Variants in CDCA7L observed in about 807,000 individuals in gnomAD.
CDCA7L encodes the protein cell division cycle-associated 7-like protein.
CDCA7L carries 44 observed loss-of-function variants against 57.4 expected under a neutral mutation model. That is an observed-to-expected ratio of 0.77 (90% confidence interval 0.60 to 0.98). CDCA7L has a LOEUF of 0.98. CDCA7L is among the 50% of genes least tolerant of loss of function. The pLI is 0.00. For missense variants in CDCA7L, 644 were observed against 580.6 expected, an observed-to-expected ratio of 1.11 and a Z score of -1.12; for synonymous variants, 236 against 202.8, an observed-to-expected ratio of 1.16 and a Z score of -1.39.
Position 21,901,329 on chromosome 7 carries a change from T to TTCTGGACCTTCAGGCTGAA in CDCA7L, c.*992_*993insTTCAGCCTGAAGGTCCAGA. On this transcript the variant is annotated 3_prime_UTR_variant, in exon 10 of 10. Transcript: ENST00000406877. ...CTAGCATGTTGCTGCACTGTTCCCA[T>TTCTGGACCTTCAGGCTGAA]GCACATTATTCTAACTTTTTAGTAA... The TTCTGGACCTTCAGGCTGAA allele has an allele frequency of 7.0e-7, 1 of 1,432,746 alleles. No individual in the cohort carries two copies. Among genetic ancestry groups the TTCTGGACCTTCAGGCTGAA allele is most frequent in the Non-Finnish European group, 9.2e-7 (1 of 1,084,102 alleles). The allele number at this position is 1,432,746 out of a possible 1,614,324, so 88.8% of individuals were successfully genotyped here.
chr7:21,906,034 C>T (rs569058250), intron 6 of CDCA7L, among the ~76,000 whole-genome samples: 1 of 152,284 alleles, frequency 6.6e-6, no homozygotes, highest in East Asian at 1.9e-4. Context: ...AAGCAGGGTC[C>T]TAACAAATGA....
chr7:21,917,802 T>C (rs983906572), intron 1 of CDCA7L, among the ~76,000 whole-genome samples: 1 of 152,242 alleles, frequency 6.6e-6, no homozygotes, highest in Admixed American at 6.5e-5. Context: ...ATTGTATTGA[T>C]TGGCCCGAAT....
intron 3 of CDCA7L, 47 bp downstream of exon 3, chr7:21,911,570 G>A: frequency 6.4e-7 from 1 of 1,559,758 alleles, no homozygotes; most frequent in Non-Finnish European, 8.6e-7. Context: ...TTCAGAAACA[G>A]GATTAAAAAC....
Position 21,903,076 on chromosome 7 carries a change from G to A in CDCA7L, c.1236C>T (p.Cys412=). The A allele has an allele frequency of 1.9e-6, 3 of 1,614,038 alleles. No homozygotes were observed. The highest frequency in any genetic ancestry group is 2.5e-6 in the Non-Finnish European group (3 of 1,179,958). ...GGCCGTCACGCTTCCGACAGTAGCT[G>A]CAATTGCAGATCCCACGACAGGGGG... ...VCPPCRGICN[C]SYCRKRDGRC... Residue 412 remains cysteine (C), a synonymous_variant, in exon 9 of 10, where the codon TGC becomes TGT. Transcript: ENST00000406877.
At position 21,945,860 on chromosome 7, in the gene CDCA7L, C is replaced by T. The variant is rs577189695; in HGVS notation, c.-56G>A. 3 of 1,554,106 alleles carry T rather than the reference C, an allele frequency of 1.9e-6. No homozygotes were observed. The East Asian group carries it at 7.6e-5, about 39-fold the overall frequency. On this transcript the variant is annotated 5_prime_UTR_variant, in exon 1 of 10. Coordinates refer to ENST00000406877, the MANE Select transcript of CDCA7L (RefSeq NM_018719.5). ...GCACGCGGCCACGGGAGCCCGGACTCACCACGGCCCGGCGCACCAAGAACG... is the reference window on the plus strand; with the variant it reads ...GCACGCGGCCACGGGAGCCCGGACTTACCACGGCCCGGCGCACCAAGAACG...
chr7:21,926,234 A>G (rs1785821526), intron 1 of CDCA7L, among the ~76,000 whole-genome samples: 1 of 63,742 alleles, frequency 1.6e-5, no homozygotes, highest in African/African-American at 3.9e-5. Context: ...GCAGTTAATA[A>G]AAAAAATACA....
chr7:21,910,617 T>C (rs780798107), intron 3 of CDCA7L, among the ~76,000 whole-genome samples: 1 of 152,238 alleles, frequency 6.6e-6, no homozygotes, highest in East Asian at 1.9e-4. Flanking sequence ...CATAAATGTA[T>C]GCTATTTTTA....
chr7:21,939,631 C>G (rs150801736), intron 1 of CDCA7L, among the ~76,000 whole-genome samples: 2 of 152,304 alleles, frequency 1.3e-5, no homozygotes, highest in African/African-American at 4.8e-5. Flanking sequence ...TTGGACAAGT[C>G]TGTTCTCAGT....
At position 21,902,247 on chromosome 7, in the gene CDCA7L, TTC is replaced by T. The variant is rs1345643471; in HGVS notation, c.*73_*74del. The T allele has an allele frequency of 7.0e-5, 3 of 43,118 alleles. No homozygotes were observed. The highest frequency in any genetic ancestry group is 2.4e-4 in the Non-Finnish European group (3 of 12,634). 2.7% of individuals were successfully genotyped at this position (43,118 alleles called of 1,614,324 possible). On this transcript the variant is annotated 3_prime_UTR_variant, in exon 10 of 10. Coordinates refer to ENST00000406877, the MANE Select transcript of CDCA7L (RefSeq NM_018719.5). ...TAAAAACACAACTGTAAAAAAATCTTTCTTAGGCACCAATGGTATGCATGTCT... is the reference window on the plus strand; with the variant it reads ...TAAAAACACAACTGTAAAAAAATCTTTTAGGCACCAATGGTATGCATGTCT...
In CDCA7L at chr7:21,904,181, G is replaced by C; in HGVS notation, c.1126C>G (p.Arg376Gly). ...AGGCATGGTCCACAGAACTGTCCTC[G>C]CACACCACAGCAACCCTGGTTCCGA... is the stretch of plus-strand genomic sequence containing the variant. ...VCRNQGCCGV[R>G]GQFCGPCLRN... Residue 376 changes from arginine (R) to glycine (G), a missense_variant, in exon 8 of 10, where the codon CGA becomes GGA. Arg to Gly is a moderately radical substitution (Grantham distance 125). Transcript: ENST00000406877. 1.2e-6 allele frequency: 2 copies of C among 1,613,462 alleles called. No homozygotes were observed. The highest frequency in any genetic ancestry group is 1.7e-6 in the Non-Finnish European group (2 of 1,179,748).
At chr7:21,919,522 C>T (rs1785589951) in intron 1 of CDCA7L, among the ~76,000 whole-genome samples, 1 of 152,092 alleles carries the variant, frequency 6.6e-6, no homozygotes, top group African/African-American at 2.4e-5. Context: ...TCGGAGAACA[C>T]AATGCATCTC....
intron 3 of CDCA7L, among the ~76,000 whole-genome samples, chr7:21,910,956 C>T (rs1157733637): frequency 7.1e-6 from 1 of 141,814 alleles, no homozygotes; most frequent in East Asian, 2.2e-4. Flanking sequence ...AGAAAGTTGT[C>T]ATCTAAGATA....
Position 21,909,975 on chromosome 7 carries a change from G to GC in CDCA7L, c.304-1469_304-1468insG, listed in dbSNP as rs1785264459. Among the ~76,000 whole-genome samples, 3 of 152,304 alleles carry GC rather than the reference G, an allele frequency of 2.0e-5. No homozygotes were observed. The South Asian group carries it at 6.2e-4, about 32-fold the overall frequency. On this transcript the variant is annotated intron_variant, in intron 3 of 9. Transcript: ENST00000406877. ...CAGTTCCCACAGGGGTGGGCAGGAG[G>GC]GTGGGCTGGGAGGCAACAATGCTTT...
Position 21,905,503 on chromosome 7 carries a change from T to C in CDCA7L, c.1047+3A>G. 6.2e-7 allele frequency: 1 copy of C among 1,613,404 alleles called. No individual in the cohort carries two copies. Among genetic ancestry groups the C allele is most frequent in the Non-Finnish European group, 8.5e-7 (1 of 1,179,724 alleles). Reference sequence around the variant, plus strand: ...TAAGAATGACAATTAATGTATACTTTACCAGAACTTTATCATAGATTTTAT... The same window carrying C: ...TAAGAATGACAATTAATGTATACTTCACCAGAACTTTATCATAGATTTTAT... On this transcript the variant is annotated splice_donor_region_variant and intron_variant, in intron 7 of 9. Coordinates refer to ENST00000406877, the MANE Select transcript of CDCA7L (RefSeq NM_018719.5).
intron 4 of CDCA7L, 55 bp from the exon 5 acceptor site, chr7:21,906,694 T>C: frequency 1.3e-6 from 2 of 1,530,090 alleles, no homozygotes. Context: ...CAGGTTTAGG[T>C]CATCCAACAC....
chr7:21,923,476 G>A (rs531457188), intron 1 of CDCA7L, among the ~76,000 whole-genome samples: 2 of 152,254 alleles, frequency 1.3e-5, no homozygotes, highest in South Asian at 2.1e-4. Context: ...CAGTCAGGGT[G>A]TCAGTGAGAC....
chr7:21,945,669 C>A, intron 1 of CDCA7L, 112 bp downstream of exon 1: 1 of 1,364,758 alleles, frequency 7.3e-7, no homozygotes, highest in African/African-American at 1.5e-5. Context: ...CGCCAGATCC[C>A]CAGTGCCGCA....
intron 1 of CDCA7L, among the ~76,000 whole-genome samples, chr7:21,921,361 G>C (rs1483582422): frequency 3.1e-5 from 2 of 65,368 alleles, no homozygotes; most frequent in South Asian, 4.0e-4. Context: ...AAAAAAAACT[G>C]TAAAATATTC....
At chr7:21,916,356 G>A (rs868030816) in intron 2 of CDCA7L, among the ~76,000 whole-genome samples, 8 of 152,036 alleles carry the variant, frequency 5.3e-5, no homozygotes, top group Admixed American at 2.6e-4. Context: ...ATTGCACCAC[G>A]GGACCACAGA....
Sources: gnomAD v4.1 joint callset for allele counts (sites outside exome capture counted in the v4.1 genomes callset) on GRCh38, gnomAD v4.1.1 for gene constraint, MANE v1.5 for transcripts, NCBI Gene and HGNC (gene_info 2026-07-23, HGNC 2026-07-21) for gene names.